JAM3: variants seen among roughly 807,000 people sequenced by gnomAD.
JAM3 encodes the protein junctional adhesion molecule C.
Under a neutral mutation model 39.4 loss-of-function variants are expected in JAM3, and 31 were observed. The ratio of observed to expected loss-of-function variants is 0.79; its 90% CI spans 0.59 to 1.06. JAM3 has a LOEUF of 1.06. Ranked by LOEUF, JAM3 falls within the 50% of genes least tolerant of loss-of-function variation. The pLI, the probability that JAM3 is intolerant of heterozygous loss-of-function variation, is 0.00. For missense variants in JAM3, 455 were observed against 391.4 expected (o/e 1.16, Z -1.37); for synonymous variants, 182 against 148.7 (o/e 1.22, Z -1.63).
At chr11:134,133,520 T>A (rs555135743) in intron 1 of JAM3, among the ~76,000 whole-genome samples, 1 of 152,346 alleles carries the variant, frequency 6.6e-6, no homozygotes, top group South Asian at 2.1e-4. Context: ...TTGCATTAGT[T>A]CAGATGCTTT....
In JAM3 at chr11:134,091,512, A is replaced by AGATG. The variant is rs1219049960; in HGVS notation, c.76+22356_76+22357insGGAT. ...AGACTCCATCTCTAAATAAATAGAT[A>AGATG]GATAGATGGATAGATAGATAGATAG... On this transcript the variant is annotated intron_variant, in intron 1 of 8. Transcript: ENST00000299106. 3.5e-5 allele frequency among the ~76,000 whole-genome samples: 5 copies of AGATG among 144,280 alleles called. No homozygotes were observed. The East Asian group carries it at 1.2e-3, about 36-fold the overall frequency. The allele number at this position is 144,280 out of a possible 152,430, so 94.7% of individuals were successfully genotyped here. A position where few individuals can be genotyped will look rare whatever the true frequency, so the allele number is the denominator to read the frequency against.
At position 134,111,680 on chromosome 11, in the gene JAM3, G is replaced by A. The variant is rs77291296; in HGVS notation, c.77-28171G>A. Among the ~76,000 whole-genome samples the A allele has an allele frequency of 8.0e-3, 1,221 of 152,162 alleles. 11 individuals are homozygous for A. Among genetic ancestry groups the A allele is most frequent in the African/African-American group, 0.028 (1,145 of 41,526 alleles). On this transcript the variant is annotated intron_variant, in intron 1 of 8. Coordinates refer to ENST00000299106, the MANE Select transcript of JAM3 (RefSeq NM_032801.5). ...TGTACCAAGGAATAAGGAAGAAAAT[G>A]GGAAAGCAGGAAAATGGTTAAAATC...
chr11:134,108,009 C>A (rs1324748535), intron 1 of JAM3, among the ~76,000 whole-genome samples: 1 of 151,812 alleles, frequency 6.6e-6, no homozygotes, highest in Non-Finnish European at 1.5e-5. Context: ...ACCAGTAAGT[C>A]CAAAAGCTGT....
intron 1 of JAM3, chr11:134,124,110 G>A (rs867324320): frequency 6.1e-6 from 9 of 1,485,122 alleles, no homozygotes; most frequent in Admixed American, 5.0e-5. Flanking sequence ...CTGATTAGGG[G>A]GTGGAGCTCC....
intron 1 of JAM3, among the ~76,000 whole-genome samples, chr11:134,074,110 A>G (rs996921837): frequency 2.0e-5 from 3 of 152,228 alleles, no homozygotes; most frequent in African/African-American, 4.8e-5. Context: ...CAGGTATACT[A>G]GTATATACTG....
chr11:134,074,560 G>C (rs1941533608), intron 1 of JAM3, among the ~76,000 whole-genome samples: 1 of 152,074 alleles, frequency 6.6e-6, no homozygotes, highest in Non-Finnish European at 1.5e-5. Context: ...ACTGACTTTT[G>C]GGTGGGGGAG....
intron 3 of JAM3, 123 bp downstream of exon 3, chr11:134,140,893 T>C: frequency 7.6e-7 from 1 of 1,311,826 alleles, no homozygotes; most frequent in African/African-American, 1.5e-5. Flanking sequence ...CCGTTTTTTT[T>C]TTTTTAAAGA....
chr11:134,145,207 A>G, intron 5 of JAM3: 2 of 605,062 alleles, frequency 3.3e-6, no homozygotes, highest in Non-Finnish European at 5.8e-6. Context: ...GAAAGAAACC[A>G]TAGATTGAGA....
chr11:134,094,362 T>C (rs1387498114), intron 1 of JAM3, among the ~76,000 whole-genome samples: 3 of 142,054 alleles, frequency 2.1e-5, no homozygotes, highest in Admixed American at 6.9e-5. Flanking sequence ...ACATGTCACT[T>C]CCTGAGGGAA....
In JAM3 at chr11:134,093,524, G is replaced by C. The variant is rs373653021; in HGVS notation, c.76+24365G>C. Among the ~76,000 whole-genome samples, 5 of 129,300 alleles carry C rather than the reference G, an allele frequency of 3.9e-5. 1 individual carries two copies. The highest frequency in any genetic ancestry group is 7.5e-5 in the Admixed American group (1 of 13,270). 84.8% of individuals were successfully genotyped at this position (129,300 alleles called of 152,430 possible). A position where few individuals can be genotyped will look rare whatever the true frequency, so the allele number is the denominator to read the frequency against. Reference sequence around the variant, plus strand: ...TCACTCCCTGAGGGAAGCTTCTCCTGAGCCCTCCTTATTCATCATGTTCCA... The same window carrying C: ...TCACTCCCTGAGGGAAGCTTCTCCTCAGCCCTCCTTATTCATCATGTTCCA... On this transcript the variant is annotated intron_variant, in intron 1 of 8. Coordinates refer to ENST00000299106, the MANE Select transcript of JAM3 (RefSeq NM_032801.5).
intron 2 of JAM3, 152 bp downstream of exon 2, chr11:134,140,068 A>T (rs151010571): frequency 2.9e-6 from 2 of 697,734 alleles, no homozygotes; most frequent in East Asian, 2.7e-5. Flanking sequence ...GAAGCATGGC[A>T]TCAGCAGGCC....
chr11:134,069,349 G>A (rs551865438), intron 1 of JAM3, among the ~76,000 whole-genome samples, 190 bp downstream of exon 1: 2 of 152,258 alleles, frequency 1.3e-5, no homozygotes, highest in Admixed American at 1.3e-4. Flanking sequence ...GGCCTGGCTA[G>A]GGCGGGGGCC....
rs1943189682 is a variant in JAM3 at position 134,150,580 on chromosome 11, G to A, written c.*1399G>A. 6.6e-6 allele frequency: 1 copy of A among 152,162 alleles called. No homozygotes were observed. 9.4% of individuals were successfully genotyped at this position (152,162 alleles called of 1,614,324 possible). On this transcript the variant is annotated 3_prime_UTR_variant, in exon 9 of 9. Coordinates refer to ENST00000299106, the MANE Select transcript of JAM3 (RefSeq NM_032801.5). The stretch of plus-strand genomic sequence containing the variant: ...CTTCCATGTAGCGTCCCAGCTTTGG[G>A]CTCCTGTAACAGACCTCTTTTTGGT...
intron 3 of JAM3, among the ~76,000 whole-genome samples, chr11:134,141,799 T>A (rs1174063609): frequency 6.6e-6 from 1 of 152,012 alleles, no homozygotes; most frequent in Non-Finnish European, 1.5e-5. Flanking sequence ...GAGAGGAGGA[T>A]GGCATCCTTT....
intron 1 of JAM3, among the ~76,000 whole-genome samples, chr11:134,094,876 G>A (rs765634357): frequency 3.3e-5 from 5 of 152,212 alleles, no homozygotes; most frequent in Admixed American, 6.5e-5. Flanking sequence ...AATATAGTAC[G>A]TGCTAGATGC....
intron 1 of JAM3, among the ~76,000 whole-genome samples, chr11:134,113,670 T>C (rs954550293): frequency 2.6e-5 from 4 of 152,222 alleles, no homozygotes; most frequent in African/African-American, 9.7e-5. Flanking sequence ...CATGTGTCTT[T>C]ATAGCAGCAT....
At position 134,135,404 on chromosome 11, in the gene JAM3, A is replaced by G. The variant is rs368960260; in HGVS notation, c.77-4447A>G. On this transcript the variant is annotated intron_variant, in intron 1 of 8. Coordinates refer to ENST00000299106, the MANE Select transcript of JAM3 (RefSeq NM_032801.5). ...TGTCTTTATGCTGTGGGGGGACCCC[A>G]CACTGTTTTGATCATCTAGCTTTGT... Among the ~76,000 whole-genome samples the G allele has an allele frequency of 2.0e-5, 3 of 152,234 alleles. No homozygotes were observed. The East Asian group carries it at 5.8e-4, about 29-fold the overall frequency.
intron 1 of JAM3, among the ~76,000 whole-genome samples, chr11:134,078,891 T>C (rs1398399674): frequency 2.0e-5 from 3 of 152,000 alleles, no homozygotes. Context: ...ATAAAAAAAT[T>C]AGCCTGGTAT....
chr11:134,073,909 G>A (rs1941522751), intron 1 of JAM3, among the ~76,000 whole-genome samples: 1 of 152,070 alleles, frequency 6.6e-6, no homozygotes, highest in Admixed American at 6.6e-5. Context: ...TATTTCTAGT[G>A]GCCCTAGGAA....
Sources: gnomAD v4.1 joint callset for allele counts (sites outside exome capture counted in the v4.1 genomes callset) on GRCh38, gnomAD v4.1.1 for gene constraint, MANE v1.5 for transcripts, NCBI Gene and HGNC (gene_info 2026-07-23, HGNC 2026-07-21) for gene names.